Variants in NFATC3 observed in about 807,000 individuals in gnomAD.
The protein encoded by NFATC3 is nuclear factor of activated T cells 3, also known as nuclear factor of activated T-cells, cytoplasmic 3.
In NFATC3, 46 loss-of-function variants were observed where a neutral mutation model predicts 98.6. The observed-to-expected ratio is 0.47, with a 90% CI of 0.37 to 0.60. The LOEUF (loss-of-function observed/expected upper bound fraction) is 0.60, where lower values mean the gene tolerates loss of function less well. Among genes scored for constraint, NFATC3 ranks in the 20% least tolerant of loss-of-function variants. The pLI, the probability that NFATC3 is intolerant of heterozygous loss-of-function variation, is 0.00. For synonymous variants in NFATC3, 512 were observed against 472.2 expected (o/e 1.08, Z -1.09); for missense variants, 1,256 against 1,295.5 (o/e 0.97, Z 0.47).
chr16:68,122,968 A>G lies in NFATC3; in HGVS notation c.1085A>G (p.Gln362Arg). ...AAATTAGAGCTGTGTTCAGATGACC[A>G]AGGGAGTTTATCACCAGCCCGGGAG... ...PGKLELCSDD[Q>R]GSLSPARETS... The change falls in exon 2 of 10, where the codon CAA becomes CGA. Residue 362 changes from glutamine to arginine, a missense_variant. Transcript: ENST00000346183. 6.2e-7 allele frequency: 1 copy of G among 1,614,184 alleles called. No homozygotes were observed. The highest frequency in any genetic ancestry group is 1.1e-5 in the South Asian group (1 of 91,088).
intron 1 of NFATC3, among the ~76,000 whole-genome samples, chr16:68,116,769 A>G (rs986938406): frequency 2.0e-5 from 3 of 151,996 alleles, no homozygotes; most frequent in Non-Finnish European, 4.4e-5. Flanking sequence ...TTTCATTTGA[A>G]TAAACTGTAA....
chr16:68,151,834 C>T (rs1162484858), intron 3 of NFATC3, among the ~76,000 whole-genome samples: 2 of 151,934 alleles, frequency 1.3e-5, no homozygotes, highest in Non-Finnish European at 2.9e-5. Flanking sequence ...TTTGGGAGGC[C>T]GAGGCAGGTG....
At position 68,122,848 on chromosome 16, in the gene NFATC3, G is replaced by C; in HGVS notation, c.965G>C (p.Gly322Ala). 1 of 1,614,216 alleles carries C rather than the reference G, an allele frequency of 6.2e-7. No individual in the cohort carries two copies. Among genetic ancestry groups the C allele is most frequent in the Non-Finnish European group, 8.5e-7 (1 of 1,180,036 alleles). The change falls in exon 2 of 10, where the codon GGC becomes GCC. Residue 322 changes from glycine (G) to alanine (A), a missense_variant. Gly to Ala is a moderately conservative substitution (Grantham distance 60). Transcript: ENST00000346183. ...NASVHGGSGL[G>A]PAVFPFQYCV... ...TCTGTCCATGGTGGGTCAGGCCTTG[G>C]CCCTGCAGTTTTTCCATTTCAGTAC...
At position 68,089,120 on chromosome 16, in the gene NFATC3, G is replaced by C. The variant is rs973004277; in HGVS notation, c.103+3336G>C. On this transcript the variant is annotated intron_variant, in intron 1 of 9. Transcript: ENST00000346183. ...GATCTTGGTAATTTGGGGCTGCAGTGGTTTTACATCTCTGAAGGTTTGGGA... is the reference window on the plus strand; with the variant it reads ...GATCTTGGTAATTTGGGGCTGCAGTCGTTTTACATCTCTGAAGGTTTGGGA... The C allele has an allele frequency of 7.1e-6, 7 of 985,298 alleles. No individual in the cohort carries two copies. In the African/African-American group the frequency reaches 1.2e-4, roughly 17 times the overall value. 61.0% of individuals were successfully genotyped at this position (985,298 alleles called of 1,614,324 possible).
intron 9 of NFATC3, among the ~76,000 whole-genome samples, chr16:68,218,762 C>T (rs771271581): frequency 6.6e-6 from 1 of 150,734 alleles, no homozygotes; most frequent in Admixed American, 6.6e-5. Flanking sequence ...TTAATAGAGA[C>T]GGGGTTTCAC....
intron 1 of NFATC3, among the ~76,000 whole-genome samples, chr16:68,095,347 A>ATTTTTT (rs35343240): frequency 7.7e-5 from 8 of 103,810 alleles, no homozygotes; most frequent in African/African-American, 1.7e-4. Flanking sequence ...TGCCCAGCTA[A>ATTTTTT]TTTTTTTTTT....
intron 9 of NFATC3, among the ~76,000 whole-genome samples, chr16:68,211,438 G>C: frequency 6.6e-6 from 1 of 150,820 alleles, no homozygotes; most frequent in East Asian, 2.0e-4. Flanking sequence ...CTCCCGCCTC[G>C]GCCTCCCAAA....
intron 3 of NFATC3, among the ~76,000 whole-genome samples, chr16:68,131,194 G>A (rs2037094372): frequency 6.6e-6 from 1 of 152,088 alleles, no homozygotes; most frequent in Non-Finnish European, 1.5e-5. Flanking sequence ...AATGTCCTTG[G>A]TATTTTGACA....
At chr16:68,225,994 C>G (rs867347142) in intron 9 of NFATC3, 1 of 162,960 alleles carries the variant, frequency 6.1e-6, no homozygotes, top group Non-Finnish European at 1.3e-5. Flanking sequence ...CATTTATTTT[C>G]ATTCCATTTA....
intron 1 of NFATC3, among the ~76,000 whole-genome samples, chr16:68,090,345 A>C (rs2034645082): frequency 7.5e-6 from 1 of 133,906 alleles, no homozygotes. Context: ...ACACACGCAC[A>C]CACACACGAA....
In NFATC3 at chr16:68,118,435, ATAGT is replaced by A. The variant is rs150958102; in HGVS notation, c.104-3550_104-3547del. Among the ~76,000 whole-genome samples the A allele has an allele frequency of 6.0e-4, 91 of 152,320 alleles. No homozygotes were observed. The East Asian group carries it at 0.017, about 28-fold the overall frequency. On this transcript the variant is annotated intron_variant, in intron 1 of 9. Coordinates refer to ENST00000346183, the MANE Select transcript of NFATC3 (RefSeq NM_173165.3). ...CTATAAAATATTAATCACATCATTAATAGTTGGTGAATGAATGAGCACCTTCTTC... is the reference window on the plus strand; with the variant it reads ...CTATAAAATATTAATCACATCATTAATGGTGAATGAATGAGCACCTTCTTC...
intron 3 of NFATC3, among the ~76,000 whole-genome samples, chr16:68,147,800 G>A (rs1269302536): frequency 6.7e-6 from 1 of 150,356 alleles, no homozygotes; most frequent in Non-Finnish European, 1.5e-5. Context: ...GGAGTTTTTG[G>A]ATGCAGTGAA....
intron 1 of NFATC3, among the ~76,000 whole-genome samples, chr16:68,117,988 G>A (rs931153181): frequency 1.3e-5 from 2 of 152,078 alleles, no homozygotes; most frequent in African/African-American, 2.4e-5. Flanking sequence ...AAAATCCAAA[G>A]CCCTTACTAC....
chr16:68,161,209 T>G (rs1308608935), intron 4 of NFATC3, among the ~76,000 whole-genome samples: 1 of 152,216 alleles, frequency 6.6e-6, no homozygotes, highest in Non-Finnish European at 1.5e-5. Flanking sequence ...ATCAGAAGCA[T>G]GTGATATGTG....
rs377652989 is a variant in NFATC3 at position 68,226,354 on chromosome 16, C to T, written c.3111C>T (p.Asn1037=). ...CTCCCTTTTCTTGTTTTTCAGTGAA[C>T]GAGATAATTGGGAGAGACATGTCCC... ...GLQDITLDDV[N]EIIGRDMSQI... Residue 1037 remains asparagine, a synonymous_variant, in exon 10 of 10, where the codon AAC becomes AAT. Transcript: ENST00000346183. The T allele has an allele frequency of 2.7e-5, 42 of 1,570,210 alleles. No individual in the cohort carries two copies. The highest frequency in any genetic ancestry group is 3.1e-5 in the Non-Finnish European group (36 of 1,163,268).
At chr16:68,116,365 A>C (rs942642885) in intron 1 of NFATC3, among the ~76,000 whole-genome samples, 1 of 152,090 alleles carries the variant, frequency 6.6e-6, no homozygotes, top group Admixed American at 6.5e-5. Context: ...CCTCTGCTTC[A>C]TACTATACAT....
chr16:68,173,392 C>A (rs2039553473), intron 5 of NFATC3, among the ~76,000 whole-genome samples: 1 of 152,026 alleles, frequency 6.6e-6, no homozygotes, highest in South Asian at 2.1e-4. Flanking sequence ...CATGGTGAAA[C>A]CCCGTCTCTA....
At chr16:68,209,034 G>A (rs2041265713) in intron 9 of NFATC3, among the ~76,000 whole-genome samples, 1 of 152,188 alleles carries the variant, frequency 6.6e-6, no homozygotes. Flanking sequence ...TAGGCTAGTA[G>A]AAGTGGTGAA....
At chr16:68,160,876 G>C (rs975525312) in intron 4 of NFATC3, among the ~76,000 whole-genome samples, 2 of 152,014 alleles carry the variant, frequency 1.3e-5, no homozygotes, top group African/African-American at 4.8e-5. Flanking sequence ...GTAGAGACAG[G>C]GTTTTGCCAT....
Sources: allele counts gnomAD v4.1 joint callset (sites outside exome capture counted in the v4.1 genomes callset), GRCh38; gene constraint gnomAD v4.1.1; transcripts MANE v1.5; gene names NCBI Gene and HGNC (gene_info 2026-07-23, HGNC 2026-07-21).